Variants in MOV10L1 observed in about 807,000 individuals in gnomAD.
MOV10L1 encodes the protein Mov10 like RNA helicase 1.
MOV10L1 carries 110 observed loss-of-function variants against 143.8 expected under a neutral mutation model. The observed-to-expected ratio is 0.76, with a 90% confidence interval of 0.66 to 0.90. The LOEUF (loss-of-function observed/expected upper bound fraction) is 0.90. Among genes scored for constraint, MOV10L1 ranks in the 40% least tolerant of loss-of-function variants. The pLI, the probability that MOV10L1 is intolerant of heterozygous loss-of-function variation, is 0.00. For synonymous variants in MOV10L1, 593 were observed against 581.1 expected (o/e 1.02, Z -0.29); for missense variants, 1,406 against 1,526.8 (o/e 0.92, Z 1.32).
intron 2 of MOV10L1, among the ~76,000 whole-genome samples, chr22:50,096,667 CAGT>C (rs1569267021): frequency 6.6e-6 from 1 of 152,058 alleles, no homozygotes; most frequent in Non-Finnish European, 1.5e-5. Context: ...TTTCTTTTGA[CAGT>C]AGCTATTCCT....
chr22:50,141,961 CAA>C, intron 15 of MOV10L1, 118 bp from the exon 16 acceptor site: 1 of 623,232 alleles, frequency 1.6e-6, no homozygotes, highest in South Asian at 2.6e-5. Context: ...GTGATCCATC[CAA>C]AGAGCTGTTA....
chr22:50,142,706 G>A (rs2063025245), intron 16 of MOV10L1, among the ~76,000 whole-genome samples: 1 of 151,962 alleles, frequency 6.6e-6, no homozygotes, highest in Admixed American at 6.6e-5. Flanking sequence ...TGTGGTGGTG[G>A]GCGCCTGTGG....
intron 5 of MOV10L1, among the ~76,000 whole-genome samples, chr22:50,111,163 A>C (rs2062013088): frequency 6.6e-6 from 1 of 152,310 alleles, no homozygotes; most frequent in Non-Finnish European, 1.5e-5. Flanking sequence ...CCACAAATCC[A>C]CAGGAACCAT....
intron 3 of MOV10L1, among the ~76,000 whole-genome samples, chr22:50,102,465 C>T (rs987380554): frequency 1.3e-5 from 2 of 152,210 alleles, no homozygotes; most frequent in African/African-American, 4.8e-5. Flanking sequence ...CTAAATTTTT[C>T]ATTTGCTTGT....
chr22:50,150,578 C>T (rs1054467467), intron 20 of MOV10L1, among the ~76,000 whole-genome samples, 157 bp from the exon 21 acceptor site: 2 of 152,156 alleles, frequency 1.3e-5, no homozygotes, highest in African/African-American at 4.8e-5. Context: ...GGCTCCAAGC[C>T]CTGTCGGCAT....
chr22:50,158,346 C>A lies in MOV10L1; in HGVS notation c.3216+140C>A. On this transcript the variant is annotated intron_variant, in intron 23 of 26. Transcript: ENST00000262794. This position sits in a 1 kb window ranked among gnomAD's most constrained non-coding sequence, Gnocchi z 5.0. Reference sequence around the variant, plus strand: ...AAGGGGCAGGACCGCACTTGAATGTCGTTCAACATGAGAGGTCACCCAACT... The same window carrying A: ...AAGGGGCAGGACCGCACTTGAATGTAGTTCAACATGAGAGGTCACCCAACT... 1 of 1,062,468 alleles carries A rather than the reference C, an allele frequency of 9.4e-7. No homozygotes were observed. Among genetic ancestry groups the A allele is most frequent in the Non-Finnish European group, 1.3e-6 (1 of 754,450 alleles). The allele number at this position is 1,062,468 out of a possible 1,614,324, so 65.8% of individuals were successfully genotyped here.
intron 15 of MOV10L1, 37 bp from the exon 16 acceptor site, chr22:50,142,044 G>GT (rs1322582704): frequency 6.3e-7 from 1 of 1,584,194 alleles, no homozygotes; most frequent in Non-Finnish European, 8.6e-7. Context: ...AAACACAGCT[G>GT]TTTTTTTAAA....
chr22:50,098,777 T>TC lies in MOV10L1; in HGVS notation c.283-665dup, dbSNP rs575478172. Among the ~76,000 whole-genome samples the TC allele has an allele frequency of 7.2e-5, 11 of 152,364 alleles. No homozygotes were observed. In the South Asian group the frequency reaches 2.3e-3, roughly 32 times the overall value. ...ATCTTAGGGGAAAGCTTTCGGCCTT[T>TC]CACCATTGAGTGTGGTGTTTGTTGT... On this transcript the variant is annotated intron_variant, in intron 2 of 26. Coordinates refer to ENST00000262794, the MANE Select transcript of MOV10L1 (RefSeq NM_018995.3).
rs571644656 is a variant in MOV10L1 at position 50,159,914 on chromosome 22, C to T, written c.3324+129C>T. On this transcript the variant is annotated intron_variant, in intron 24 of 26. Transcript: ENST00000262794. The surrounding 1 kb of genome is among the most constrained non-coding windows in gnomAD (Gnocchi z 4.1). The stretch of plus-strand genomic sequence containing the variant: ...GAGAAGCAGCTGCAGGCGGAGACTC[C>T]CTAGGTCCAGGAGCCATTGTAAGCA... 7.5e-4 allele frequency: 476 copies of T among 638,262 alleles called. 3 individuals are homozygous for T. The African/African-American group carries it at 7.9e-3, about 11-fold the overall frequency. 39.5% of individuals were successfully genotyped at this position (638,262 alleles called of 1,614,324 possible). A position where few individuals can be genotyped will look rare whatever the true frequency, so the allele number is the denominator to read the frequency against.
At position 50,108,186 on chromosome 22, in the gene MOV10L1, C is replaced by G. The variant is rs1328956115; in HGVS notation, c.493C>G (p.Pro165Ala). The change falls in exon 4 of 27, where the codon CCT becomes GCT. Residue 165 changes from proline (P) to alanine (A), a missense_variant. Transcript: ENST00000262794. ...GGTGGAGGCTGAGTACCGGATCCGG[C>G]CTGGCACGTGGAGCAGCGAAGCCAC... Reference protein sequence around the residue: ...DWVEAEYRIRPGTWSSEATSV... With the variant: ...DWVEAEYRIRAGTWSSEATSV... 1 of 1,614,098 alleles carries G rather than the reference C, an allele frequency of 6.2e-7. No individual in the cohort carries two copies. The highest frequency in any genetic ancestry group is 8.5e-7 in the Non-Finnish European group (1 of 1,180,026).
rs1302575526 is a variant in MOV10L1 at position 50,153,088 on chromosome 22, TG to T, written c.2937del (p.Met980CysfsTer21). Reference protein sequence around the residue: ...VKNYRSHEALLMLPSRLFYHR... With the variant: ...VKNYRSHEALXMLPSRLFYHR... ...AACTACCGGTCCCACGAGGCCCTGC[TG>T]ATGCTGCCCTCACGGCTGTTCTACC... On this transcript the variant is annotated frameshift_variant, in exon 22 of 27. Coordinates refer to ENST00000262794, the MANE Select transcript of MOV10L1 (RefSeq NM_018995.3). LOFTEE classifies it high-confidence loss of function. 6 of 1,612,680 alleles carry T rather than the reference TG, an allele frequency of 3.7e-6. No homozygotes were observed. Among genetic ancestry groups the T allele is most frequent in the Non-Finnish European group, 4.2e-6 (5 of 1,178,766 alleles).
chr22:50,108,855 G>A lies in MOV10L1; in HGVS notation c.743+11G>A. 1 of 1,613,418 alleles carries A rather than the reference G, an allele frequency of 6.2e-7. No homozygotes were observed. Among genetic ancestry groups the A allele is most frequent in the Non-Finnish European group, 8.5e-7 (1 of 1,179,536 alleles). ...CCTAGTGAAGAGGCGGTAAGAAAAT[G>A]CTTTTCTGGCCAGGTGCGGTGGCTA... On this transcript the variant is annotated intron_variant, in intron 5 of 26. Transcript: ENST00000262794.
intron 19 of MOV10L1, 95 bp downstream of exon 19, chr22:50,145,905 C>A: frequency 6.5e-7 from 1 of 1,541,222 alleles, no homozygotes; most frequent in Non-Finnish European, 8.8e-7. Flanking sequence ...GACCCAGAGA[C>A]TCAGTGCTCA....
At chr22:50,132,272 A>G (rs891378823) in intron 13 of MOV10L1, among the ~76,000 whole-genome samples, 6 of 152,152 alleles carry the variant, frequency 3.9e-5, no homozygotes, top group South Asian at 2.1e-4. Flanking sequence ...TTCCTTTTCA[A>G]GGTTGTCTGG....
intron 3 of MOV10L1, among the ~76,000 whole-genome samples, chr22:50,102,268 A>G (rs2061764315): frequency 6.6e-6 from 1 of 152,260 alleles, no homozygotes; most frequent in Non-Finnish European, 1.5e-5. Context: ...AAAAAGGCTG[A>G]TACAGAGTAT....
Position 50,152,621 on chromosome 22 carries a change from G to C in MOV10L1, c.2893-424G>C, listed in dbSNP as rs1057289406. ...ATGCTCTCCTGGCCCAGGGGCCCAG[G>C]AGCTCTTCCTTCCCTGTGGCCAAGC... On this transcript the variant is annotated intron_variant, in intron 21 of 26. Coordinates refer to ENST00000262794, the MANE Select transcript of MOV10L1 (RefSeq NM_018995.3). This position sits in a 1 kb window ranked among gnomAD's most constrained non-coding sequence, Gnocchi z 4.4. 3.3e-5 allele frequency among the ~76,000 whole-genome samples: 5 copies of C among 152,138 alleles called. No homozygotes were observed. Among genetic ancestry groups the C allele is most frequent in the Non-Finnish European group, 7.4e-5 (5 of 68,008 alleles).
chr22:50,131,392 G>A (rs1234775882), intron 13 of MOV10L1, among the ~76,000 whole-genome samples: 1 of 152,162 alleles, frequency 6.6e-6, no homozygotes, highest in Non-Finnish European at 1.5e-5. Flanking sequence ...TCAGACTACA[G>A]CTTGTATTTT....
intron 12 of MOV10L1, among the ~76,000 whole-genome samples, chr22:50,126,614 G>C (rs1334391640): frequency 6.6e-6 from 1 of 152,186 alleles, no homozygotes; most frequent in Admixed American, 6.5e-5. Flanking sequence ...TCTGATGTTT[G>C]CGTGAAGGTG....
At chr22:50,098,090 A>C (rs902950493) in intron 2 of MOV10L1, among the ~76,000 whole-genome samples, 2 of 151,738 alleles carry the variant, frequency 1.3e-5, no homozygotes, top group African/African-American at 4.8e-5. Context: ...ACCTGCCTCA[A>C]CCTCCCAAAG....
Sources: gnomAD v4.1 joint callset for allele counts (sites outside exome capture counted in the v4.1 genomes callset) on GRCh38, gnomAD v4.1.1 for gene constraint, Gnocchi (gnomAD v3.1) non-coding constraint, MANE v1.5 for transcripts, NCBI Gene and HGNC (gene_info 2026-07-23, HGNC 2026-07-21) for gene names.